The following JPH3 variants were observed in gnomAD, a reference collection of about 807,000 sequenced individuals.
The protein encoded by JPH3 is junctophilin 3.
In JPH3, 11 loss-of-function variants were observed where a neutral mutation model predicts 59.6. The observed-to-expected ratio is 0.18, with a 90% CI of 0.12 to 0.31. JPH3 has a LOEUF of 0.31. Among genes scored for constraint, JPH3 ranks in the 10% least tolerant of loss-of-function variants. JPH3 has a pLI of 1.00. For synonymous variants in JPH3, 673 were observed against 483.6 expected (o/e 1.39, Z -5.14); for missense variants, 1,202 against 1,105.7 (o/e 1.09, Z -1.24).
chr16:87,696,242 A>G, intron 4 of JPH3: 3 of 441,154 alleles, frequency 6.8e-6, no homozygotes, highest in South Asian at 5.8e-5. Flanking sequence ...GGCCACACGC[A>G]CCGAGACGTT....
chr16:87,613,865 G>A (rs780252435), intron 1 of JPH3, among the ~76,000 whole-genome samples: 43 of 152,128 alleles, frequency 2.8e-4, no homozygotes, highest in Non-Finnish European at 5.0e-4. Context: ...AAGGCATTCC[G>A]CTCCCATTTA....
chr16:87,615,339 C>T (rs901861670), intron 1 of JPH3, among the ~76,000 whole-genome samples: 7 of 152,344 alleles, frequency 4.6e-5, no homozygotes, highest in African/African-American at 1.7e-4. Context: ...CACCTCGCCC[C>T]CTTCCGGAGG....
rs571960172 is a variant in JPH3, at chr16:87,689,924, C to T, written c.1564C>T (p.Arg522Trp). 3.2e-5 allele frequency: 46 copies of T among 1,451,726 alleles called. No homozygotes were observed. The African/African-American group carries it at 5.7e-4, about 18-fold the overall frequency. The allele number at this position is 1,451,726 out of a possible 1,614,324, so 89.9% of individuals were successfully genotyped here. ...GGDIQMLLEG[R>W]AGDCARSSWG... ...GGACATCCAGATGCTCCTGGAGGGC[C>T]GGGCCGGGGACTGCGCCCGCAGCAG... The change falls in exon 4 of 5, where the codon CGG becomes TGG. Residue 522 changes from arginine to tryptophan, a missense_variant. Physicochemically the swap from Arg to Trp is moderately radical, Grantham distance 101. Transcript: ENST00000284262.
intron 1 of JPH3, among the ~76,000 whole-genome samples, chr16:87,619,958 C>A (rs7191872): frequency 6.6e-6 from 1 of 152,016 alleles, no homozygotes; most frequent in Non-Finnish European, 1.5e-5. Flanking sequence ...GCACCAGGGA[C>A]AGAAGGAACA....
intron 4 of JPH3, among the ~76,000 whole-genome samples, chr16:87,693,227 G>A (rs2033655014): frequency 1.3e-5 from 2 of 152,226 alleles, no homozygotes; most frequent in Non-Finnish European, 1.5e-5. Context: ...AGGTTGCGGA[G>A]GGTGTGGGCC....
intron 1 of JPH3, among the ~76,000 whole-genome samples, chr16:87,616,296 C>A (rs577501145): frequency 6.7e-6 from 1 of 149,758 alleles, no homozygotes; most frequent in African/African-American, 2.5e-5. Context: ...AGCAGTGGCG[C>A]GATCTCAGCT....
At chr16:87,691,446 CG>C (rs2033570498) in intron 4 of JPH3, among the ~76,000 whole-genome samples, 1 of 152,192 alleles carries the variant, frequency 6.6e-6, no homozygotes, top group Non-Finnish European at 1.5e-5. Flanking sequence ...GTCTGCCCCT[CG>C]GGTGTGAGGA....
rs752693 is a variant in JPH3, at chr16:87,684,312, G to A, written c.1285+46G>A. 27 of 1,604,116 alleles carry A rather than the reference G, an allele frequency of 1.7e-5. No homozygotes were observed. In the Admixed American group the frequency reaches 1.9e-4, roughly 11 times the overall value. On this transcript the variant is annotated intron_variant, in intron 3 of 4. Coordinates refer to ENST00000284262, the MANE Select transcript of JPH3 (RefSeq NM_020655.4). ...TACTGGCATCGTGGGGAGGGGGTGC[G>A]TGGATGGCTGGGCAGTCCTGGCAGC...
At chr16:87,624,689 C>T (rs747606067) in intron 1 of JPH3, among the ~76,000 whole-genome samples, 25 of 152,238 alleles carry the variant, frequency 1.6e-4, no homozygotes, top group African/African-American at 4.1e-4. Context: ...TGCGTCCTTT[C>T]GTTTCCTCCT....
intron 1 of JPH3, among the ~76,000 whole-genome samples, chr16:87,624,836 G>A (rs995498502): frequency 6.6e-6 from 1 of 152,190 alleles, no homozygotes; most frequent in Admixed American, 6.5e-5. Context: ...TTTCACTCTT[G>A]TTGCCCAGGC....
chr16:87,603,247 A>G lies in JPH3; in HGVS notation c.101A>G (p.Lys34Arg), dbSNP rs1200594462. 4.3e-6 allele frequency: 7 copies of G among 1,613,866 alleles called. No individual in the cohort carries two copies. The highest frequency in any genetic ancestry group is 2.2e-5 in the East Asian group (1 of 44,844). ...GGCCATGGCGTCTGCACCGGCCCCA[A>G]GGGCCAAGGCGAATACACCGGCTCG... ...AHGHGVCTGP[K>R]GQGEYTGSWS... The change falls in exon 1 of 5, where the codon AAG becomes AGG. Residue 34 changes from lysine to arginine, a missense_variant. Lys to Arg is a conservative substitution (Grantham distance 26). Transcript: ENST00000284262.
chr16:87,642,323 G>A (rs530293396), intron 1 of JPH3, among the ~76,000 whole-genome samples: 9 of 152,274 alleles, frequency 5.9e-5, no homozygotes, highest in South Asian at 4.1e-4. Flanking sequence ...CAGCCTCTCC[G>A]TTTAAAAAGT....
rs1375277376 is a variant in JPH3, at chr16:87,611,580, C to G, written c.382+8052C>G. On this transcript the variant is annotated intron_variant, in intron 1 of 4. Transcript: ENST00000284262. The surrounding 1 kb of genome is among the most constrained non-coding windows in gnomAD (Gnocchi z 4.5). ...TGGTGCAAATGCTTTCCAAAAACAC[C>G]GAGAGTCGCTCTCTCTGCTGCTGGT... Among the ~76,000 whole-genome samples, 1 of 152,056 alleles carries G rather than the reference C, an allele frequency of 6.6e-6. No individual in the cohort carries two copies. Among genetic ancestry groups the G allele is most frequent in the East Asian group, 1.9e-4 (1 of 5,198 alleles).
intron 4 of JPH3, among the ~76,000 whole-genome samples, chr16:87,691,741 G>A (rs190427220): frequency 3.9e-5 from 6 of 152,202 alleles, no homozygotes; most frequent in East Asian, 3.9e-4. Flanking sequence ...ATGCCTCCCC[G>A]TTCCCCAAAG....
intron 2 of JPH3, among the ~76,000 whole-genome samples, chr16:87,678,457 TGAAC>T (rs2033204855): frequency 6.6e-6 from 1 of 152,090 alleles, no homozygotes; most frequent in African/African-American, 2.4e-5. Context: ...GAGAATTTCT[TGAAC>T]CTGTGAGAAA....
At chr16:87,656,519 T>A (rs1226318224) in intron 2 of JPH3, among the ~76,000 whole-genome samples, 1 of 152,184 alleles carries the variant, frequency 6.6e-6, no homozygotes, top group Admixed American at 6.5e-5. Context: ...GTGAAGGAAC[T>A]CGGCTCAGGG....
chr16:87,688,979 G>T (rs1287286745), intron 3 of JPH3, among the ~76,000 whole-genome samples: 1 of 152,162 alleles, frequency 6.6e-6, no homozygotes, highest in Non-Finnish European at 1.5e-5. Context: ...CTCCGGGTGG[G>T]GGCTGATGGG....
chr16:87,672,590 G>T (rs1008086329), intron 2 of JPH3, among the ~76,000 whole-genome samples: 1 of 152,218 alleles, frequency 6.6e-6, no homozygotes, highest in Non-Finnish European at 1.5e-5. Context: ...GTCTGTCCTG[G>T]ATATTCGTAA....
intron 1 of JPH3, among the ~76,000 whole-genome samples, chr16:87,625,699 C>G (rs537836791): frequency 6.0e-4 from 91 of 152,302 alleles, no homozygotes; most frequent in Non-Finnish European, 1.1e-3. Context: ...TGCCAAACCC[C>G]TGTCAACACC....
Sources: allele counts gnomAD v4.1 joint callset (sites outside exome capture counted in the v4.1 genomes callset), GRCh38; gene constraint gnomAD v4.1.1; non-coding constraint Gnocchi (gnomAD v3.1); transcripts MANE v1.5; gene names NCBI Gene and HGNC (gene_info 2026-07-23, HGNC 2026-07-21).